The following KCNG3 variants were observed in gnomAD, a reference collection of about 807,000 sequenced individuals.
The protein encoded by KCNG3 is potassium voltage-gated channel modifier subfamily G member 3.
A neutral mutation model predicts 29.0 loss-of-function variants in KCNG3; 15 were observed. The ratio of observed to expected loss-of-function variants is 0.52; its 90% CI spans 0.35 to 0.80. The LOEUF is 0.80. Among genes scored for constraint, KCNG3 ranks in the 30% least tolerant of loss-of-function variants. The pLI is 0.01. For missense variants in KCNG3, 512 were observed against 605.7 expected (o/e 0.85, Z 1.62); for synonymous variants, 322 against 248.9 (o/e 1.29, Z -2.76).
the KCNG3 span, among the ~76,000 whole-genome samples, chr2:42,431,229 C>G: frequency 6.6e-6 from 1 of 151,964 alleles, no homozygotes; most frequent in African/African-American, 2.4e-5. Context: ...GGGGATCCTG[C>G]TATTCCTAAG....
At chr2:42,492,810 G>T (rs926183209) in intron 1 of KCNG3, 27 bp downstream of exon 1, 47 of 1,447,274 alleles carry the variant, frequency 3.2e-5, no homozygotes, top group Non-Finnish European at 3.9e-5. Context: ...GGACGGACGG[G>T]ACGGGTAGAG....
At chr2:42,437,346 T>C (rs886583517), downstream of KCNG3, among the ~76,000 whole-genome samples, 2 of 152,206 alleles carry the variant, frequency 1.3e-5, no homozygotes, top group Non-Finnish European at 2.9e-5. Flanking sequence ...ACTTTAAAAC[T>C]AGAATATTTA....
the KCNG3 span, among the ~76,000 whole-genome samples, chr2:42,407,907 C>T: frequency 6.6e-6 from 1 of 152,222 alleles, no homozygotes; most frequent in Non-Finnish European, 1.5e-5. Flanking sequence ...CCAAGGCATC[C>T]CTACACTCTT....
intron 1 of KCNG3, among the ~76,000 whole-genome samples, chr2:42,472,961 G>C (rs1673328815): frequency 6.8e-6 from 1 of 147,780 alleles, no homozygotes; most frequent in South Asian, 2.1e-4. Context: ...GAGTGCAGTG[G>C]CGCAATCTCG....
the KCNG3 span, among the ~76,000 whole-genome samples, chr2:42,428,551 C>T: frequency 6.6e-6 from 1 of 150,536 alleles, no homozygotes; most frequent in Middle Eastern, 3.4e-3. Flanking sequence ...GAGAAAAAAA[C>T]TCTAATTATT....
chr2:42,433,699 C>T, the KCNG3 span, among the ~76,000 whole-genome samples: 1 of 152,112 alleles, frequency 6.6e-6, no homozygotes, highest in Non-Finnish European at 1.5e-5. Flanking sequence ...GATGGTGCCA[C>T]TGCACTCCAG....
the KCNG3 span, chr2:42,424,919 C>G: frequency 6.6e-6 from 1 of 152,266 alleles, no homozygotes; most frequent in South Asian, 2.1e-4. Context: ...AGGAAGGTAT[C>G]TACTTCTCCG....
intron 1 of KCNG3, among the ~76,000 whole-genome samples, chr2:42,470,633 G>A (rs1673262786): frequency 6.6e-6 from 1 of 152,214 alleles, no homozygotes; most frequent in Admixed American, 6.5e-5. Flanking sequence ...CCAGCACTTT[G>A]GGAGGCTGAG....
chr2:42,406,201 C>T, the KCNG3 span, among the ~76,000 whole-genome samples: 1 of 152,020 alleles, frequency 6.6e-6, no homozygotes, highest in Non-Finnish European at 1.5e-5. Flanking sequence ...TGGTACCTTT[C>T]CCTGTCCTTT....
chr2:42,405,493 C>CAGTGAG, the KCNG3 span, among the ~76,000 whole-genome samples: 1 of 151,610 alleles, frequency 6.6e-6, no homozygotes, highest in African/African-American at 2.4e-5. Context: ...GGCTGGAATG[C>CAGTGAG]AGTGGCGTGA....
the KCNG3 span, among the ~76,000 whole-genome samples, chr2:42,436,834 G>A: frequency 3.3e-5 from 5 of 152,106 alleles, no homozygotes; most frequent in Non-Finnish European, 5.9e-5. Context: ...TTTTACACAC[G>A]CTGGCTTTTT....
rs770113354 is a variant in KCNG3, at chr2:42,492,962, G to C, written c.540C>G (p.Phe180Leu). The C allele has an allele frequency of 1.9e-6, 3 of 1,572,886 alleles. No individual in the cohort carries two copies. Among genetic ancestry groups the C allele is most frequent in the South Asian group, 2.3e-5 (2 of 85,890 alleles). The change falls in exon 1 of 2, where the codon TTC becomes TTG. Residue 180 changes from phenylalanine to leucine, a missense_variant. Phe to Leu is a conservative substitution (Grantham distance 22, BLOSUM62 0). Transcript: ENST00000306078. ...ACAGCACCACCATGGACACGATCACGAACACCACCGACACGCTAGCCAGGA... is the reference window on the plus strand; with the variant it reads ...ACAGCACCACCATGGACACGATCACCAACACCACCGACACGCTAGCCAGGA... ...AQILASVSVV[F>L]VIVSMVVLCA...
At chr2:42,413,061 C>A in the KCNG3 span, among the ~76,000 whole-genome samples, 32 of 152,160 alleles carry the variant, frequency 2.1e-4, no homozygotes, top group African/African-American at 7.2e-4. Flanking sequence ...CTTTTATCCC[C>A]AGGGCTCAAC....
At chr2:42,441,702 T>TTA (rs755821004), downstream of KCNG3, among the ~76,000 whole-genome samples, 38 of 150,248 alleles carry the variant, frequency 2.5e-4, no homozygotes, top group East Asian at 9.7e-4. Flanking sequence ...CACATGTACA[T>TTA]TATATATATA....
the KCNG3 span, among the ~76,000 whole-genome samples, chr2:42,400,565 G>T: frequency 3.3e-5 from 5 of 152,128 alleles, no homozygotes; most frequent in African/African-American, 1.2e-4. Flanking sequence ...ACCTGAAGCA[G>T]ACCTAAGTTG....
the KCNG3 span, among the ~76,000 whole-genome samples, chr2:42,429,452 T>A: frequency 1.3e-5 from 2 of 152,210 alleles, no homozygotes; most frequent in African/African-American, 2.4e-5. Context: ...AACAGCAATT[T>A]GAGCTTAGAG....
Position 42,444,629 on chromosome 2 carries a change from A to T in KCNG3, c.666-50T>A. The T allele has an allele frequency of 1.3e-6, 2 of 1,502,832 alleles. No individual in the cohort carries two copies. The highest frequency in any genetic ancestry group is 1.8e-6 in the Non-Finnish European group (2 of 1,106,458). 93.1% of individuals were successfully genotyped at this position (1,502,832 alleles called of 1,614,324 possible). On this transcript the variant is annotated intron_variant, in intron 1 of 1. Transcript: ENST00000306078. This position sits in a 1 kb window ranked among gnomAD's most constrained non-coding sequence, Gnocchi z 5.8. ...TGATCATTTTATTTTTAAGCATTTTAATAGCTCTTAGATTTCTTCAGATAG... is the reference window on the plus strand; with the variant it reads ...TGATCATTTTATTTTTAAGCATTTTTATAGCTCTTAGATTTCTTCAGATAG...
the KCNG3 span, among the ~76,000 whole-genome samples, chr2:42,420,607 C>T: frequency 6.6e-6 from 1 of 151,914 alleles, no homozygotes; most frequent in Non-Finnish European, 1.5e-5. Flanking sequence ...CTGACCAACA[C>T]GATGAAACCC....
intron 1 of KCNG3, among the ~76,000 whole-genome samples, chr2:42,453,922 T>C (rs974678992): frequency 1.3e-5 from 2 of 152,288 alleles, no homozygotes; most frequent in South Asian, 4.2e-4. Flanking sequence ...CTTTTGCATA[T>C]GGATGTCCAG....
Sources: gnomAD v4.1 joint callset for allele counts (sites outside exome capture counted in the v4.1 genomes callset) on GRCh38, gnomAD v4.1.1 for gene constraint, Gnocchi (gnomAD v3.1) non-coding constraint, MANE v1.5 for transcripts, NCBI Gene and HGNC (gene_info 2026-07-23, HGNC 2026-07-21) for gene names.